The following CAPZA1 variants were observed in gnomAD, a reference collection of about 807,000 sequenced individuals.
The protein encoded by CAPZA1 is capping actin protein of muscle Z-line subunit alpha 1.
Under a neutral mutation model 40.8 loss-of-function variants are expected in CAPZA1, and 10 were observed. The ratio of observed to expected loss-of-function variants is 0.25; its 90% CI spans 0.15 to 0.42. CAPZA1 has a LOEUF of 0.42. Among genes scored for constraint, CAPZA1 ranks in the 10% least tolerant of loss-of-function variants. CAPZA1 has a pLI of 1.00. For missense variants in CAPZA1, 277 were observed against 353.8 expected (o/e 0.78, Z 1.74); for synonymous variants, 98 against 115.0 (o/e 0.85, Z 0.95).
At chr1:112,636,575 G>C (rs1041181418) in intron 1 of CAPZA1, among the ~76,000 whole-genome samples, 2 of 151,372 alleles carry the variant, frequency 1.3e-5, no homozygotes, top group Non-Finnish European at 2.9e-5. Flanking sequence ...TGAATACAGT[G>C]TGTAGTGAAA....
At position 112,669,584 on chromosome 1, in the gene CAPZA1, G is replaced by C. The variant is rs1160647216; in HGVS notation, c.699G>C (p.Glu233Asp). Residue 233 changes from glutamate (E) to aspartate (D), a missense_variant, in exon 9 of 10, where the codon GAG becomes GAC. Transcript: ENST00000263168. ...QTAKEFIKII[E>D]NAENEYQTAI... Reference sequence around the variant, plus strand: ...CCAAGGAGTTTATTAAAATCATAGAGAATGCAGAAAATGAGTATCAGGTAA... The same window carrying C: ...CCAAGGAGTTTATTAAAATCATAGACAATGCAGAAAATGAGTATCAGGTAA... 1 of 1,608,504 alleles carries C rather than the reference G, an allele frequency of 6.2e-7. No individual in the cohort carries two copies.
chr1:112,640,548 G>A (rs1404621506), intron 1 of CAPZA1, among the ~76,000 whole-genome samples: 1 of 144,452 alleles, frequency 6.9e-6, no homozygotes, highest in Non-Finnish European at 1.5e-5. Context: ...GCCCCTCCTG[G>A]GAAGTGAGGA....
intron 1 of CAPZA1, among the ~76,000 whole-genome samples, chr1:112,641,567 T>C (rs1232961018): frequency 1.3e-5 from 2 of 152,140 alleles, no homozygotes; most frequent in Non-Finnish European, 2.9e-5. Context: ...GAATTTTTTT[T>C]TTATGTGGCT....
rs1431723398 is a variant in CAPZA1, at chr1:112,671,438, TTTC to T, written c.*1308_*1310del. On this transcript the variant is annotated 3_prime_UTR_variant, in exon 10 of 10. Transcript: ENST00000263168. ...GAAAGGTGTTTGTGCTTCCGTTTTG[TTTC>T]TGCTCAGTAATATAGTCAAGCAAGT... 6.5e-6 allele frequency: 1 copy of T among 152,686 alleles called. No individual in the cohort carries two copies. Among genetic ancestry groups the T allele is most frequent in the Non-Finnish European group, 1.5e-5 (1 of 68,048 alleles). The allele number at this position is 152,686 out of a possible 1,614,324, so 9.5% of individuals were successfully genotyped here. A position where few individuals can be genotyped will look rare whatever the true frequency, so the allele number is the denominator to read the frequency against.
At chr1:112,633,981 ATTAGCCCTTTATC>A (rs907506913) in intron 1 of CAPZA1, among the ~76,000 whole-genome samples, 1 of 152,092 alleles carries the variant, frequency 6.6e-6, no homozygotes, top group African/African-American at 2.4e-5. Flanking sequence ...TATTTTTGGT[ATTAGCCCTTTATC>A]AGATGTATAG....
chr1:112,652,576 C>T (rs1671414665), intron 3 of CAPZA1, among the ~76,000 whole-genome samples: 1 of 150,040 alleles, frequency 6.7e-6, no homozygotes, highest in East Asian at 2.0e-4. Flanking sequence ...CTGCTTAAAA[C>T]TAGTGGTCTC....
intron 1 of CAPZA1, among the ~76,000 whole-genome samples, chr1:112,639,968 G>A (rs1167163987): frequency 5.8e-4 from 75 of 128,240 alleles, no homozygotes; most frequent in African/African-American, 1.9e-3. Flanking sequence ...GAGGTGGGGG[G>A]GTCAGCCCCC....
intron 1 of CAPZA1, among the ~76,000 whole-genome samples, chr1:112,643,719 T>G (rs1671225145): frequency 6.6e-6 from 1 of 152,206 alleles, no homozygotes; most frequent in Non-Finnish European, 1.5e-5. Context: ...CATCAATCAC[T>G]AGGCCTTTCT....
chr1:112,635,509 T>G (rs1396678088), intron 1 of CAPZA1, among the ~76,000 whole-genome samples: 1 of 152,102 alleles, frequency 6.6e-6, no homozygotes, highest in Non-Finnish European at 1.5e-5. Flanking sequence ...GTTGCAGTTG[T>G]TAAATATTTA....
chr1:112,642,701 A>C (rs574105614), intron 1 of CAPZA1, among the ~76,000 whole-genome samples: 4 of 152,138 alleles, frequency 2.6e-5, no homozygotes, highest in Middle Eastern at 6.8e-3. Context: ...CGAATGGGTG[A>C]ATTATTACTT....
chr1:112,642,175 T>TCACAGC (rs763564879), intron 1 of CAPZA1, among the ~76,000 whole-genome samples: 25 of 140,622 alleles, frequency 1.8e-4, no homozygotes, highest in Non-Finnish European at 1.5e-4. Context: ...ATCTCAAACA[T>TCACAGC]CACAGCCTCT....
At chr1:112,624,631 AG>A (rs1670761999) in intron 1 of CAPZA1, among the ~76,000 whole-genome samples, 10 of 145,382 alleles carry the variant, frequency 6.9e-5, no homozygotes, top group African/African-American at 1.5e-4. Flanking sequence ...AAAAAAAAAA[AG>A]AGGTATTATG....
At chr1:112,664,122 C>T (rs1346005580) in intron 7 of CAPZA1, among the ~76,000 whole-genome samples, 2 of 150,982 alleles carry the variant, frequency 1.3e-5, no homozygotes, top group East Asian at 2.0e-4. Flanking sequence ...GTCCCAGCTA[C>T]GTGGGAGGCT....
At chr1:112,658,787 C>T (rs1055617915) in intron 5 of CAPZA1, among the ~76,000 whole-genome samples, 1 of 152,168 alleles carries the variant, frequency 6.6e-6, no homozygotes, top group Non-Finnish European at 1.5e-5. Context: ...TGGCACCCGC[C>T]TTGTACCCCA....
chr1:112,651,500 A>G (rs967230561), intron 3 of CAPZA1, among the ~76,000 whole-genome samples: 1 of 152,180 alleles, frequency 6.6e-6, no homozygotes, highest in African/African-American at 2.4e-5. Flanking sequence ...AGAGCCTACA[A>G]GATTTACTGA....
chr1:112,652,479 CAAA>C (rs35996522), intron 3 of CAPZA1, among the ~76,000 whole-genome samples: 7 of 73,362 alleles, frequency 9.5e-5, no homozygotes, highest in African/African-American at 1.2e-4. Context: ...AACTCCATCT[CAAA>C]AAAAAAAAAA....
intron 4 of CAPZA1, 127 bp from the exon 5 acceptor site, chr1:112,654,338 T>C (rs1431354858): frequency 8.0e-6 from 5 of 626,958 alleles, no homozygotes; most frequent in Non-Finnish European, 1.1e-5. Context: ...GGTTGAAAAA[T>C]TAATATGAAA....
intron 7 of CAPZA1, among the ~76,000 whole-genome samples, chr1:112,666,522 A>G (rs1377893301): frequency 6.6e-6 from 1 of 152,218 alleles, no homozygotes; most frequent in East Asian, 1.9e-4. Flanking sequence ...TTACATATTC[A>G]GAACTACTTT....
chr1:112,623,749 A>C (rs896036840), intron 1 of CAPZA1, among the ~76,000 whole-genome samples: 1 of 151,408 alleles, frequency 6.6e-6, no homozygotes, highest in Non-Finnish European at 1.5e-5. Flanking sequence ...GCACTTTGGG[A>C]GGCCGAGGCG....
Sources: gnomAD v4.1 joint callset for allele counts (sites outside exome capture counted in the v4.1 genomes callset) on GRCh38, gnomAD v4.1.1 for gene constraint, MANE v1.5 for transcripts, NCBI Gene and HGNC (gene_info 2026-07-23, HGNC 2026-07-21) for gene names.